The following MGME1 variants were observed in gnomAD, a reference collection of about 807,000 sequenced individuals.
MGME1 encodes the protein mitochondrial genome maintenance exonuclease 1.
MGME1 carries 22 observed loss-of-function variants against 33.0 expected under a neutral mutation model. The ratio of observed to expected loss-of-function variants is 0.67; its 90% CI spans 0.48 to 0.95. MGME1 has a LOEUF of 0.95. Among genes scored for constraint, MGME1 ranks in the 40% least tolerant of loss-of-function variants. MGME1 has a pLI of 0.00. For synonymous variants in MGME1, 133 were observed against 144.0 expected (o/e 0.92, Z 0.55); for missense variants, 383 against 397.8 (o/e 0.96, Z 0.32).
intron 2 of MGME1, among the ~76,000 whole-genome samples, chr20:17,972,445 T>C (rs1000119102): frequency 1.3e-4 from 19 of 151,486 alleles, no homozygotes; most frequent in African/African-American, 3.6e-4. Context: ...AATTTTTTTT[T>C]TTTTTTTTTT....
At position 17,990,334 on chromosome 20, in the gene MGME1, C is replaced by T; in HGVS notation, c.*225C>T. On this transcript the variant is annotated 3_prime_UTR_variant, in exon 5 of 5. Coordinates refer to ENST00000377710, the MANE Select transcript of MGME1 (RefSeq NM_052865.4). The stretch of plus-strand genomic sequence containing the variant: ...GGCACGCGAAATCCCAGCTATGCTA[C>T]CTCTTATTTACCTGAAAGGAGGACA... 4 of 531,890 alleles carry T rather than the reference C, an allele frequency of 7.5e-6. No homozygotes were observed. The highest frequency in any genetic ancestry group is 3.2e-5 in the East Asian group (1 of 31,734). The allele number at this position is 531,890 out of a possible 1,614,324, so 32.9% of individuals were successfully genotyped here.
intron 3 of MGME1, among the ~76,000 whole-genome samples, chr20:17,979,831 A>C (rs1435020416): frequency 1.3e-5 from 2 of 152,094 alleles, no homozygotes; most frequent in African/African-American, 4.8e-5. Context: ...CCCCAGGCTC[A>C]GGCTGTCCTT....
Position 17,975,758 on chromosome 20 carries a change from A to T in MGME1, c.586A>T (p.Arg196Ter). ...TTCACCCCAGGAAACCTTAAAAGAG[A>T]GAGATGAAAATCTCCTCAAGTCTGG... The part of the protein sequence containing the change: ...ILSPQETLKE[R>*]DENLLKSGYI... The change falls in exon 3 of 5, where the codon AGA becomes TGA. Residue 196 changes from arginine (R) to a stop codon, truncating the protein, a stop_gained. Transcript: ENST00000377710. LOFTEE classifies it high-confidence loss of function. 6.2e-7 allele frequency: 1 copy of T among 1,614,124 alleles called. No individual in the cohort carries two copies. Among genetic ancestry groups the T allele is most frequent in the South Asian group, 1.1e-5 (1 of 91,088 alleles).
intron 3 of MGME1, among the ~76,000 whole-genome samples, chr20:17,984,206 G>A (rs776230983): frequency 1.3e-5 from 2 of 152,082 alleles, no homozygotes; most frequent in Non-Finnish European, 2.9e-5. Flanking sequence ...AAAATCAATT[G>A]ACTGTAAATT....
rs1245581689 is a variant in MGME1 at position 17,970,393 on chromosome 20, T to A, written c.511+23T>A. 2.5e-6 allele frequency: 4 copies of A among 1,579,976 alleles called. No homozygotes were observed. In the African/African-American group the frequency reaches 5.4e-5, roughly 21 times the overall value. ...CAAGTAATTATCTCAATTCTGATTC[T>A]ATATGTTTGCTATGTTTTCTATAAT... On this transcript the variant is annotated intron_variant, in intron 2 of 4. Transcript: ENST00000377710.
intron 2 of MGME1, among the ~76,000 whole-genome samples, chr20:17,971,700 T>G (rs6045118): frequency 1.3e-5 from 2 of 152,066 alleles, no homozygotes; most frequent in African/African-American, 4.8e-5. Flanking sequence ...ACTGGTTGTT[T>G]TTTTTTTCAT....
intron 4 of MGME1, among the ~76,000 whole-genome samples, chr20:17,989,584 C>T (rs986202970): frequency 9.3e-5 from 14 of 150,078 alleles, no homozygotes; most frequent in African/African-American, 3.2e-4. Flanking sequence ...AAGTGGTGCC[C>T]GCCTCAGCTT....
chr20:17,984,894 G>A (rs926849641), intron 3 of MGME1, among the ~76,000 whole-genome samples: 4 of 151,910 alleles, frequency 2.6e-5, no homozygotes, highest in African/African-American at 7.3e-5. Context: ...AAAATTACCC[G>A]GGTGTGGTGG....
At chr20:17,976,298 A>G (rs191109403) in intron 3 of MGME1, among the ~76,000 whole-genome samples, 2 of 151,862 alleles carry the variant, frequency 1.3e-5, no homozygotes, top group African/African-American at 4.8e-5. Context: ...TAATTTTTGT[A>G]TTTTTAGTAG....
intron 4 of MGME1, among the ~76,000 whole-genome samples, chr20:17,989,450 T>C (rs1221834556): frequency 6.7e-6 from 1 of 150,314 alleles, no homozygotes; most frequent in Non-Finnish European, 1.5e-5. Context: ...TGGTGGCTCA[T>C]GCCTGTAATC....
chr20:17,972,146 T>A (rs1164709196), intron 2 of MGME1, among the ~76,000 whole-genome samples: 1 of 152,146 alleles, frequency 6.6e-6, no homozygotes, highest in Non-Finnish European at 1.5e-5. Context: ...CTAAATTGAT[T>A]AACGGGTCTG....
intron 3 of MGME1, among the ~76,000 whole-genome samples, chr20:17,986,358 C>T (rs1316549987): frequency 4.0e-5 from 6 of 150,998 alleles, no homozygotes; most frequent in South Asian, 2.1e-4. Context: ...TGTAAGCCAC[C>T]GTGCCCGGCA....
chr20:17,985,606 A>G (rs1257065858), intron 3 of MGME1, among the ~76,000 whole-genome samples: 2 of 152,190 alleles, frequency 1.3e-5, no homozygotes, highest in Non-Finnish European at 2.9e-5. Context: ...CACTCACTCA[A>G]TCACCCAGAG....
chr20:17,970,116 A>G lies in MGME1; in HGVS notation c.257A>G (p.Lys86Arg). Residue 86 changes from lysine to arginine, a missense_variant, in exon 2 of 5, where the codon AAG becomes AGG. Lys to Arg is a conservative substitution (Grantham distance 26). Transcript: ENST00000377710. ...CTCTGTGGACCCGTGAGCAAGCATA[A>G]GCTGCCAAACCAAGGTGAGGACAGA... is the stretch of plus-strand genomic sequence containing the variant. ...ALLCGPVSKH[K>R]LPNQGEDRRV... 1.2e-6 allele frequency: 2 copies of G among 1,614,262 alleles called. No homozygotes were observed. Among genetic ancestry groups the G allele is most frequent in the Non-Finnish European group, 8.5e-7 (1 of 1,180,046 alleles).
intron 2 of MGME1, among the ~76,000 whole-genome samples, chr20:17,971,631 C>G (rs1173383038): frequency 6.6e-6 from 1 of 152,030 alleles, no homozygotes; most frequent in Non-Finnish European, 1.5e-5. Flanking sequence ...AGGAAGTGCA[C>G]CAGAGAGGAA....
chr20:17,970,294 G>A lies in MGME1; in HGVS notation c.435G>A (p.Gln145=). 1 of 1,614,150 alleles carries A rather than the reference G, an allele frequency of 6.2e-7. No homozygotes were observed. Among genetic ancestry groups the A allele is most frequent in the Non-Finnish European group, 8.5e-7 (1 of 1,179,988 alleles). ...TTCAGCAGACCATGACAAAACAACA[G>A]GTTTTCTTGTTGGAGAGGTGGAAAC... ...RVLQQTMTKQ[Q]VFLLERWKQR... The change falls in exon 2 of 5, where the codon CAG becomes CAA. Residue 145 remains glutamine, a synonymous_variant. Transcript: ENST00000377710.
At chr20:17,988,046 G>T in intron 3 of MGME1, 120 bp from the exon 4 acceptor site, 1 of 977,524 alleles carries the variant, frequency 1.0e-6, no homozygotes, top group South Asian at 2.0e-5. Context: ...AAAAAATGGT[G>T]AATAAGAGCA....
At chr20:17,986,751 CAG>C (rs1407159084) in intron 3 of MGME1, among the ~76,000 whole-genome samples, 1 of 152,098 alleles carries the variant, frequency 6.6e-6, no homozygotes, top group Non-Finnish European at 1.5e-5. Flanking sequence ...AGTCCATAAA[CAG>C]AGGATATCTT....
Position 17,990,235 on chromosome 20 carries a change from A to T in MGME1, c.*126A>T. 2.4e-6 allele frequency: 2 copies of T among 823,506 alleles called. No individual in the cohort carries two copies. The highest frequency in any genetic ancestry group is 2.0e-6 in the Non-Finnish European group (1 of 500,678). The allele number at this position is 823,506 out of a possible 1,614,324, so 51.0% of individuals were successfully genotyped here. On this transcript the variant is annotated 3_prime_UTR_variant, in exon 5 of 5. Coordinates refer to ENST00000377710, the MANE Select transcript of MGME1 (RefSeq NM_052865.4). Reference sequence around the variant, plus strand: ...GTGCTACACGAACACAAGTAGAAGTATTAATTTGTTGAAATGTGTTGTTAC... The same window carrying T: ...GTGCTACACGAACACAAGTAGAAGTTTTAATTTGTTGAAATGTGTTGTTAC...
Sources: allele counts gnomAD v4.1 joint callset (sites outside exome capture counted in the v4.1 genomes callset), GRCh38; gene constraint gnomAD v4.1.1; transcripts MANE v1.5; gene names NCBI Gene and HGNC (gene_info 2026-07-23, HGNC 2026-07-21).